The following RTL4 variants were observed in gnomAD, a reference collection of about 807,000 sequenced individuals.
The protein encoded by RTL4 is retrotransposon Gag like 4, also known as retrotransposon Gag-like protein 4.
A neutral mutation model predicts 5.3 loss-of-function variants in RTL4; 4 were observed. That is an observed-to-expected ratio of 0.75 (90% CI 0.37 to 1.72). RTL4 has a LOEUF of 1.72. RTL4 is among the 40% of genes most tolerant of loss of function. The probability of loss-of-function intolerance (pLI) is 0.04; values close to 1 mark genes in which losing one functional copy is unlikely to be tolerated. For missense variants in RTL4, 260 were observed against 227.1 expected, an observed-to-expected ratio of 1.14 and a Z score of -0.93; for synonymous variants, 98 against 87.3, an observed-to-expected ratio of 1.12 and a Z score of -0.68.
At chrX:112,420,021 G>T in the RTL4 span, among the ~76,000 whole-genome samples, 26 of 110,333 alleles carry the variant, frequency 2.4e-4, no homozygotes, top group Admixed American at 3.9e-4. Context: ...TAGGAGAGTG[G>T]GTGGGTGGCT....
At chrX:112,223,820 G>A in the RTL4 span, among the ~76,000 whole-genome samples, 3 of 111,832 alleles carry the variant, frequency 2.7e-5, no homozygotes, top group African/African-American at 9.8e-5. Flanking sequence ...CTCTCATGAA[G>A]TTCCTCTTCA....
At chrX:112,178,780 AG>A in the RTL4 span, among the ~76,000 whole-genome samples, 1 of 111,313 alleles carries the variant, frequency 9.0e-6, no homozygotes, top group East Asian at 2.8e-4. Flanking sequence ...ACACTTCCAA[AG>A]CAGAAAGAAA....
the RTL4 span, among the ~76,000 whole-genome samples, chrX:112,307,946 A>T: frequency 9.8e-5 from 11 of 111,792 alleles, no homozygotes; most frequent in African/African-American, 3.6e-4. Flanking sequence ...TAGTTGTATT[A>T]GCCCCATTTG....
chrX:112,348,715 A>T, the RTL4 span, among the ~76,000 whole-genome samples: 5 of 110,502 alleles, frequency 4.5e-5, no homozygotes, highest in Admixed American at 2.0e-4. Context: ...CTGAACAATG[A>T]CTATATGTGT....
chrX:112,357,494 A>T, the RTL4 span, among the ~76,000 whole-genome samples: 2 of 111,890 alleles, frequency 1.8e-5, no homozygotes, highest in African/African-American at 6.5e-5. Flanking sequence ...TGCTCACCTC[A>T]TTGGTATACA....
the RTL4 span, among the ~76,000 whole-genome samples, chrX:112,289,372 G>A: frequency 8.9e-6 from 1 of 112,558 alleles, no homozygotes; most frequent in Admixed American, 9.4e-5. Context: ...AGAGGATCTA[G>A]AAGTATTATA....
the RTL4 span, among the ~76,000 whole-genome samples, chrX:112,109,130 C>T: frequency 1.8e-5 from 2 of 111,972 alleles, no homozygotes; most frequent in Non-Finnish European, 1.9e-5. Flanking sequence ...AGGTGTTTTG[C>T]TCTCTTACCT....
At chrX:112,116,200 A>G in the RTL4 span, among the ~76,000 whole-genome samples, 2 of 111,561 alleles carry the variant, frequency 1.8e-5, no homozygotes, top group Non-Finnish European at 3.8e-5. Flanking sequence ...GAAAAATAGG[A>G]CAGAATAGCA....
chrX:112,291,598 C>G, the RTL4 span, among the ~76,000 whole-genome samples: 1 of 109,173 alleles, frequency 9.2e-6, no homozygotes, highest in Non-Finnish European at 1.9e-5. Flanking sequence ...ATCAGATACC[C>G]TCTAGTTCTT....
chrX:112,297,774 T>C, the RTL4 span, among the ~76,000 whole-genome samples: 2 of 111,723 alleles, frequency 1.8e-5, no homozygotes, highest in Non-Finnish European at 3.8e-5. Context: ...GCAACACTTA[T>C]GTTCACTTAT....
the RTL4 span, among the ~76,000 whole-genome samples, chrX:112,295,847 A>G: frequency 8.9e-6 from 1 of 112,347 alleles, no homozygotes; most frequent in Admixed American, 9.4e-5. Context: ...GTTTGCACAG[A>G]GTGTTTTTAT....
chrX:112,118,550 C>T, the RTL4 span, among the ~76,000 whole-genome samples: 12 of 112,008 alleles, frequency 1.1e-4, no homozygotes, highest in Non-Finnish European at 2.1e-4. Context: ...CATGACATTA[C>T]TTCATTTATA....
the RTL4 span, among the ~76,000 whole-genome samples, chrX:112,194,469 C>T: frequency 1.8e-5 from 2 of 111,540 alleles, no homozygotes; most frequent in African/African-American, 6.5e-5. Context: ...GAAGGGAGCC[C>T]TCACCATAAC....
chrX:112,152,033 G>A, the RTL4 span, among the ~76,000 whole-genome samples: 1 of 111,804 alleles, frequency 8.9e-6, no homozygotes, highest in Non-Finnish European at 1.9e-5. Flanking sequence ...CCAAGGACAA[G>A]TCAGAAATAA....
the RTL4 span, among the ~76,000 whole-genome samples, chrX:112,430,045 A>G: frequency 9.0e-6 from 1 of 111,397 alleles, no homozygotes; most frequent in Admixed American, 9.6e-5. Context: ...ATCATGCTTA[A>G]TGTTCTCTGA....
At chrX:112,368,219 G>T in the RTL4 span, among the ~76,000 whole-genome samples, 2 of 111,491 alleles carry the variant, frequency 1.8e-5, no homozygotes, top group African/African-American at 3.3e-5. Context: ...GAAAATGATA[G>T]CCTGGTCTAA....
chrX:112,293,552 T>C, the RTL4 span, among the ~76,000 whole-genome samples: 2 of 112,080 alleles, frequency 1.8e-5, no homozygotes, highest in African/African-American at 3.2e-5. Context: ...CATGCAGTCA[T>C]CTAAACAGCA....
the RTL4 span, among the ~76,000 whole-genome samples, chrX:112,130,943 G>A: frequency 3.8e-3 from 391 of 102,301 alleles, 1 homozygote; most frequent in African/African-American, 0.015. Context: ...ACAGGCTCCC[G>A]CCACCATGCC....
the RTL4 span, among the ~76,000 whole-genome samples, chrX:112,397,223 T>C: frequency 8.9e-6 from 1 of 112,024 alleles, no homozygotes; most frequent in Non-Finnish European, 1.9e-5. Context: ...ATATAAGTGG[T>C]GTAGTATTTT....
Sources: gnomAD v4.1 joint callset for allele counts (sites outside exome capture counted in the v4.1 genomes callset) on GRCh38, gnomAD v4.1.1 for gene constraint, MANE v1.5 for transcripts, NCBI Gene and HGNC (gene_info 2026-07-23, HGNC 2026-07-21) for gene names.